Variants in LUZP1 observed in about 807,000 individuals in gnomAD.
LUZP1 encodes the protein filamin mechanobinding actin cross-linking protein.
A neutral mutation model predicts 71.3 loss-of-function variants in LUZP1; 25 were observed. The ratio of observed to expected loss-of-function variants is 0.35; its 90% CI spans 0.26 to 0.49. The LOEUF (loss-of-function observed/expected upper bound fraction) is 0.49, where lower values mean the gene tolerates loss of function less well. Among genes scored for constraint, LUZP1 ranks in the 20% least tolerant of loss-of-function variants. The pLI is 0.99. For synonymous variants in LUZP1, 481 were observed against 506.4 expected (o/e 0.95, Z 0.67); for missense variants, 1,142 against 1,300.8 (o/e 0.88, Z 1.88).
intron 1 of LUZP1, among the ~76,000 whole-genome samples, chr1:23,169,313 G>A (rs1193678547): frequency 3.9e-5 from 6 of 152,242 alleles, no homozygotes; most frequent in African/African-American, 7.2e-5. Context: ...ACTGCACTCC[G>A]GCGTGGGTGA....
At chr1:23,162,866 G>A (rs1453301490) in intron 2 of LUZP1, 8 of 151,996 alleles carry the variant, frequency 5.3e-5, no homozygotes, top group Non-Finnish European at 8.8e-5. Flanking sequence ...ATGCAAATAC[G>A]GCAGGTCTTG....
intron 2 of LUZP1, among the ~76,000 whole-genome samples, chr1:23,149,587 T>C (rs1644367617): frequency 6.6e-6 from 1 of 152,034 alleles, no homozygotes; most frequent in South Asian, 2.1e-4. Context: ...GCATTTACAG[T>C]AGTGTTGGGG....
At chr1:23,137,879 T>C (rs1296817455) in intron 2 of LUZP1, among the ~76,000 whole-genome samples, 2 of 152,230 alleles carry the variant, frequency 1.3e-5, no homozygotes, top group South Asian at 2.1e-4. Context: ...TGAAAACTTA[T>C]GTCCATACCA....
intron 2 of LUZP1, among the ~76,000 whole-genome samples, chr1:23,159,215 C>A (rs2148201773): frequency 6.6e-6 from 1 of 151,976 alleles, no homozygotes; most frequent in Non-Finnish European, 1.5e-5. Context: ...GTGGCGGGCA[C>A]CTGTAGTCCC....
intron 3 of LUZP1, among the ~76,000 whole-genome samples, chr1:23,106,959 G>C (rs1464198196): frequency 1.3e-5 from 2 of 152,178 alleles, no homozygotes; most frequent in African/African-American, 4.8e-5. Context: ...GTGTCACATG[G>C]CTGTAAGGCC....
At chr1:23,164,868 G>A (rs895202400) in intron 2 of LUZP1, among the ~76,000 whole-genome samples, 8 of 152,114 alleles carry the variant, frequency 5.3e-5, no homozygotes, top group African/African-American at 9.7e-5. Flanking sequence ...TTTGTTAAGC[G>A]CTTCTTAAGC....
intron 2 of LUZP1, among the ~76,000 whole-genome samples, chr1:23,119,617 T>C (rs1467049406): frequency 6.6e-6 from 1 of 152,144 alleles, no homozygotes; most frequent in Non-Finnish European, 1.5e-5. Flanking sequence ...ATAGCACTTA[T>C]CATTCTGTAT....
intron 2 of LUZP1, among the ~76,000 whole-genome samples, chr1:23,165,945 T>C (rs1644506224): frequency 6.6e-6 from 1 of 151,902 alleles, no homozygotes; most frequent in African/African-American, 2.4e-5. Flanking sequence ...GTACTCCCCA[T>C]TTTAACAGAA....
chr1:23,118,175 G>A (rs1644101126), intron 2 of LUZP1, among the ~76,000 whole-genome samples: 1 of 152,094 alleles, frequency 6.6e-6, no homozygotes, highest in South Asian at 2.1e-4. Flanking sequence ...GCCAAAGTGG[G>A]TGGATCACTT....
At chr1:23,131,008 A>G (rs913286101) in intron 2 of LUZP1, among the ~76,000 whole-genome samples, 1 of 152,100 alleles carries the variant, frequency 6.6e-6, no homozygotes, top group Admixed American at 6.5e-5. Context: ...ACCTGAGGTC[A>G]GGAGTTTGAG....
In LUZP1 at chr1:23,176,886, T is replaced by A. The variant is rs996417258; in HGVS notation, c.-485+605A>T. On this transcript the variant is annotated intron_variant, in intron 1 of 4. Transcript: ENST00000302291. ...AGCTATAATTTTGGGGGGTTTTTTG[T>A]TTTTTGTTTTTTGAGACAGGGTCTG... 8.6e-5 allele frequency among the ~76,000 whole-genome samples: 13 copies of A among 151,932 alleles called. No individual in the cohort carries two copies. In the East Asian group the frequency reaches 2.5e-3, roughly 29 times the overall value.
At chr1:23,140,209 T>C (rs1040091499) in intron 2 of LUZP1, 1 of 152,114 alleles carries the variant, frequency 6.6e-6, no homozygotes, top group African/African-American at 2.4e-5. Context: ...GTAGCACCTA[T>C]CCAGACTCTC....
intron 2 of LUZP1, among the ~76,000 whole-genome samples, chr1:23,139,019 A>AAAATATATATATATATAT (rs1317355746): frequency 1.7e-5 from 1 of 59,956 alleles, no homozygotes; most frequent in Non-Finnish European, 2.7e-5. Context: ...AAAAAAAAAA[A>AAAATATATATATATATAT]ATATATATAT....
At chr1:23,118,204 C>A (rs894150006) in intron 2 of LUZP1, among the ~76,000 whole-genome samples, 1 of 152,080 alleles carries the variant, frequency 6.6e-6, no homozygotes, top group South Asian at 2.1e-4. Flanking sequence ...GAGTTCGAGA[C>A]CAGCCTGATC....
At chr1:23,164,139 G>A (rs1392623763) in intron 2 of LUZP1, 2 of 151,764 alleles carry the variant, frequency 1.3e-5, no homozygotes, top group African/African-American at 2.4e-5. Context: ...CCTTTGCTTC[G>A]GGCAGAGCAA....
At chr1:23,092,718 G>C in exon 4 of LUZP1, 1 of 1,614,108 alleles carries the variant, frequency 6.2e-7, no homozygotes, top group Admixed American at 1.7e-5. Context: ...AGATCCATGG[G>C]TGGTGTCACT....
chr1:23,161,711 G>A (rs533091437), intron 2 of LUZP1, among the ~76,000 whole-genome samples: 2 of 152,090 alleles, frequency 1.3e-5, no homozygotes, highest in Non-Finnish European at 2.9e-5. Context: ...GGCTATACAG[G>A]GCATTATAGG....
chr1:23,088,692 C>T (rs964135601), exon 5 of LUZP1: 1 of 582,084 alleles, frequency 1.7e-6, no homozygotes, highest in Non-Finnish European at 2.9e-6. Flanking sequence ...GAAGGTTGGG[C>T]CTGGGTGACT....
intron 3 of LUZP1, among the ~76,000 whole-genome samples, chr1:23,107,433 A>C (rs922922066): frequency 6.6e-6 from 1 of 152,204 alleles, no homozygotes; most frequent in African/African-American, 2.4e-5. Context: ...CCGATAACTA[A>C]AGCGTGTAGT....
Sources: gnomAD v4.1 joint callset for allele counts (sites outside exome capture counted in the v4.1 genomes callset) on GRCh38, gnomAD v4.1.1 for gene constraint, MANE v1.5 for transcripts, NCBI Gene and HGNC (gene_info 2026-07-23, HGNC 2026-07-21) for gene names.